The following RNF212B variants were observed in gnomAD, a reference collection of about 807,000 sequenced individuals.
RNF212B encodes E3 ubiquitin-protein ligase RNF212B.
Under a neutral mutation model 55.5 loss-of-function variants are expected in RNF212B, and 52 were observed. The observed-to-expected ratio is 0.94, with a 90% CI of 0.75 to 1.18. RNF212B has a LOEUF of 1.18. Among genes scored for constraint, RNF212B ranks in the 50% most tolerant of loss-of-function variants. The pLI, the probability that RNF212B is intolerant of heterozygous loss-of-function variation, is 0.00. For synonymous variants in RNF212B, 99 were observed against 121.4 expected (o/e 0.82, Z 1.21); for missense variants, 289 against 350.4 (o/e 0.82, Z 1.40).
upstream of RNF212B, among the ~76,000 whole-genome samples, chr14:23,233,301 C>T (rs2140423935): frequency 6.6e-6 from 1 of 152,116 alleles, no homozygotes; most frequent in South Asian, 2.1e-4. Context: ...CCTAGGAAAA[C>T]CAGAGACCTT....
At chr14:23,217,856 C>T (rs1335084519) in intron 2 of RNF212B, among the ~76,000 whole-genome samples, 1 of 151,938 alleles carries the variant, frequency 6.6e-6, no homozygotes, top group African/African-American at 2.4e-5. Context: ...TCAACACCAT[C>T]CAGGGAGACA....
chr14:23,225,076 C>CCA (rs1335365247), intron 2 of RNF212B, among the ~76,000 whole-genome samples: 20 of 151,752 alleles, frequency 1.3e-4, no homozygotes, highest in African/African-American at 4.6e-4. Context: ...TGATGCCACC[C>CCA]CACACAAAAA....
chr14:23,229,292 G>A (rs1882351150), intron 2 of RNF212B, among the ~76,000 whole-genome samples: 1 of 123,862 alleles, frequency 8.1e-6, no homozygotes, highest in Non-Finnish European at 1.6e-5. Context: ...ATCTACTAAT[G>A]GACATTTGTG....
At chr14:23,216,879 C>CAAAAA (rs59923716) in intron 2 of RNF212B, among the ~76,000 whole-genome samples, 1,586 of 48,692 alleles carry the variant, frequency 0.033, 369 homozygotes, top group Non-Finnish European at 0.04. Context: ...GACCCTGTCT[C>CAAAAA]AAAAAAAAAA....
intron 11 of RNF212B, among the ~76,000 whole-genome samples, chr14:23,267,493 A>G (rs1477254438): frequency 1.3e-5 from 2 of 151,726 alleles, no homozygotes; most frequent in African/African-American, 4.8e-5. Flanking sequence ...CAGTGGCAAA[A>G]TCTTGGCTCA....
intron 2 of RNF212B, among the ~76,000 whole-genome samples, chr14:23,196,163 G>A (rs1566387926): frequency 6.6e-6 from 1 of 152,174 alleles, no homozygotes; most frequent in African/African-American, 2.4e-5. Context: ...GCAAATCAGA[G>A]CCTAGACACT....
rs199560542 is a variant in RNF212B, at chr14:23,222,256, G to GA, written c.-1-18080dup. ...ATAAACTTTTAGCCAGACTGAATAAGAAAAAAAAAGAAGACCCAAAGAAAT... is the reference window on the plus strand; with the variant it reads ...ATAAACTTTTAGCCAGACTGAATAAGAAAAAAAAAAGAAGACCCAAAGAAAT... On this transcript the variant is annotated intron_variant, in intron 2 of 15. Transcript: ENST00000399910. Among the ~76,000 whole-genome samples, 1,312 of 147,786 alleles carry GA rather than the reference G, an allele frequency of 8.9e-3. 25 individuals carry two copies. The highest frequency in any genetic ancestry group is 0.031 in the African/African-American group (1,240 of 40,358).
intron 1 of RNF212B, among the ~76,000 whole-genome samples, chr14:23,188,646 T>C (rs117735861): frequency 6.6e-6 from 1 of 151,960 alleles, no homozygotes; most frequent in Non-Finnish European, 1.5e-5. Flanking sequence ...TTTAAAAAAT[T>C]TTTAGTAAAG....
intron 2 of RNF212B, among the ~76,000 whole-genome samples, chr14:23,206,231 T>C (rs1879820104): frequency 6.6e-6 from 1 of 152,110 alleles, no homozygotes; most frequent in South Asian, 2.1e-4. Context: ...CACACCACCA[T>C]GGCCAGCTAA....
At chr14:23,229,295 C>T (rs1369033837) in intron 2 of RNF212B, among the ~76,000 whole-genome samples, 3 of 125,494 alleles carry the variant, frequency 2.4e-5, no homozygotes, top group Admixed American at 9.4e-5. Context: ...TACTAATGGA[C>T]ATTTGTGTTG....
intron 1 of RNF212B, among the ~76,000 whole-genome samples, chr14:23,187,307 C>CA (rs543594569): frequency 8.0e-4 from 122 of 152,236 alleles, no homozygotes; most frequent in Non-Finnish European, 1.2e-3. Context: ...AGTTAAAACA[C>CA]AAACACACAC....
chr14:23,193,621 C>A (rs888859826), intron 2 of RNF212B, among the ~76,000 whole-genome samples: 1 of 151,886 alleles, frequency 6.6e-6, no homozygotes, highest in Non-Finnish European at 1.5e-5. Flanking sequence ...GAAGAACTAG[C>A]GATAGTGACA....
chr14:23,255,053 G>C (rs978941081), intron 4 of RNF212B, among the ~76,000 whole-genome samples: 1 of 152,232 alleles, frequency 6.6e-6, no homozygotes, highest in African/African-American at 2.4e-5. Context: ...TCAGGAGAGA[G>C]AGAGGTAATA....
At position 23,272,820 on chromosome 14, in the gene RNF212B, C is replaced by G. The variant is rs1369810272; in HGVS notation, c.835-3C>G. ...ACATCTACCTTCTTGTCCTCTGCTG[C>G]AGACTCTCTACCAACAACGGAGGCA... On this transcript the variant is annotated splice_polypyrimidine_tract_variant and splice_region_variant and intron_variant, in intron 14 of 14. Coordinates refer to ENST00000430154, the MANE Select transcript of RNF212B (RefSeq NM_001282322.3). The G allele has an allele frequency of 6.5e-7, 1 of 1,546,272 alleles. No homozygotes were observed. The highest frequency in any genetic ancestry group is 1.2e-5 in the South Asian group (1 of 83,966).
chr14:23,266,844 T>A (rs1415545574), intron 11 of RNF212B, among the ~76,000 whole-genome samples: 1 of 152,254 alleles, frequency 6.6e-6, no homozygotes, highest in Non-Finnish European at 1.5e-5. Flanking sequence ...GTTTAGCTAG[T>A]ATATCGTGTT....
chr14:23,191,017 A>T (rs1171935797), intron 1 of RNF212B, among the ~76,000 whole-genome samples: 1 of 152,094 alleles, frequency 6.6e-6, no homozygotes, highest in Admixed American at 6.5e-5. Context: ...TCCCTCTGCA[A>T]ATATCACCTG....
At chr14:23,198,217 ACAT>A (rs1402221897) in intron 2 of RNF212B, among the ~76,000 whole-genome samples, 1 of 152,182 alleles carries the variant, frequency 6.6e-6, no homozygotes, top group African/African-American at 2.4e-5. Flanking sequence ...ATAACTACAG[ACAT>A]CATGCTATTT....
intron 2 of RNF212B, among the ~76,000 whole-genome samples, chr14:23,232,742 GGTCAGCCCCCACCCGGCCAGCCGCCCCGT>G (rs1437879691): frequency 6.7e-6 from 1 of 149,138 alleles, no homozygotes; most frequent in Non-Finnish European, 1.5e-5. Flanking sequence ...GAGGTGGGGG[GGTCAGCCCCCACCCGGCCAGCCGCCCCGT>G]CTGGGAGGGA....
intron 11 of RNF212B, 129 bp downstream of exon 11, chr14:23,264,800 C>A (rs1594949655): frequency 2.3e-6 from 1 of 436,694 alleles, no homozygotes; most frequent in Non-Finnish European, 3.9e-6. Context: ...TTCCATGTAT[C>A]CATACATATA....
Sources: gnomAD v4.1 joint callset for allele counts (sites outside exome capture counted in the v4.1 genomes callset) on GRCh38, gnomAD v4.1.1 for gene constraint, MANE v1.5 for transcripts, NCBI Gene and HGNC (gene_info 2026-07-23, HGNC 2026-07-21) for gene names.